The following GALNT2 variants were observed in gnomAD, a reference collection of about 807,000 sequenced individuals.
GALNT2 encodes the protein polypeptide N-acetylgalactosaminyltransferase 2.
Under a neutral mutation model 81.4 loss-of-function variants are expected in GALNT2, and 31 were observed. The ratio of observed to expected loss-of-function variants is 0.38; its 90% CI spans 0.29 to 0.51. GALNT2 has a LOEUF of 0.51. Among genes scored for constraint, GALNT2 ranks in the 20% least tolerant of loss-of-function variants. The pLI, the probability that GALNT2 is intolerant of heterozygous loss-of-function variation, is 0.87. For missense variants in GALNT2, 629 were observed against 765.7 expected (o/e 0.82, Z 2.11); for synonymous variants, 303 against 287.4 (o/e 1.05, Z -0.55).
At chr1:230,183,762 G>A (rs1663231425) in intron 2 of GALNT2, among the ~76,000 whole-genome samples, 1 of 152,176 alleles carries the variant, frequency 6.6e-6, no homozygotes, top group Non-Finnish European at 1.5e-5. Context: ...CAGATCACCT[G>A]AAGTCAGGAG....
At chr1:230,235,573 A>G (rs768497671) in intron 3 of GALNT2, among the ~76,000 whole-genome samples, 11 of 152,204 alleles carry the variant, frequency 7.2e-5, no homozygotes, top group Non-Finnish European at 1.3e-4. Flanking sequence ...CCAAGTTCCA[A>G]ATATCACCGG....
At chr1:230,246,186 C>T (rs771570824) in intron 8 of GALNT2, 36 bp downstream of exon 8, 1 of 1,429,174 alleles carries the variant, frequency 7.0e-7, no homozygotes, top group Non-Finnish European at 9.9e-7. Flanking sequence ...CCTAGCTCGT[C>T]CCGTCTACAC....
chr1:230,190,101 G>T (rs1367790643), intron 2 of GALNT2, among the ~76,000 whole-genome samples: 2 of 152,242 alleles, frequency 1.3e-5, no homozygotes, highest in Non-Finnish European at 2.9e-5. Context: ...GCACAGTGTT[G>T]TCATAAGGAA....
intron 2 of GALNT2, among the ~76,000 whole-genome samples, chr1:230,182,091 T>G (rs542387439): frequency 5.4e-4 from 83 of 152,320 alleles, no homozygotes; most frequent in African/African-American, 1.8e-3. Flanking sequence ...TATCCCCACT[T>G]TCATTTCTGA....
At chr1:230,206,132 A>G (rs1664050639) in intron 3 of GALNT2, among the ~76,000 whole-genome samples, 1 of 152,160 alleles carries the variant, frequency 6.6e-6, no homozygotes, top group South Asian at 2.1e-4. Flanking sequence ...TTTTCCCACA[A>G]GATTTTATCT....
rs1417000696 is a variant in GALNT2 at position 230,170,939 on chromosome 1, G to A, written c.127-7279G>A. ...GGATCACATTTCAACATCAGATTTGGAGGAGACAGCTATCCAGATGAAATC... is the reference window on the plus strand; with the variant it reads ...GGATCACATTTCAACATCAGATTTGAAGGAGACAGCTATCCAGATGAAATC... On this transcript the variant is annotated intron_variant, in intron 1 of 15. Transcript: ENST00000366672. Among the ~76,000 whole-genome samples the A allele has an allele frequency of 2.6e-5, 4 of 152,174 alleles. No homozygotes were observed. In the South Asian group the frequency reaches 8.3e-4, roughly 32 times the overall value.
At chr1:230,102,134 A>G (rs1660420271) in intron 1 of GALNT2, among the ~76,000 whole-genome samples, 2 of 152,206 alleles carry the variant, frequency 1.3e-5, no homozygotes, top group South Asian at 4.1e-4. Context: ...GCAAAGCTCA[A>G]AACTTTGCCT....
chr1:230,154,382 A>G (rs1285003583), intron 1 of GALNT2, among the ~76,000 whole-genome samples: 2 of 152,212 alleles, frequency 1.3e-5, no homozygotes, highest in Non-Finnish European at 2.9e-5. Context: ...TTTTTAAGAA[A>G]TAATCTTGAG....
intron 1 of GALNT2, among the ~76,000 whole-genome samples, chr1:230,164,488 G>A (rs565167861): frequency 4.6e-5 from 7 of 151,418 alleles, no homozygotes; most frequent in African/African-American, 1.7e-4. Flanking sequence ...GACTGCATCC[G>A]ATCATGTGAT....
At chr1:230,122,203 C>T (rs1157921834) in intron 1 of GALNT2, among the ~76,000 whole-genome samples, 1 of 152,146 alleles carries the variant, frequency 6.6e-6, no homozygotes, top group Non-Finnish European at 1.5e-5. Context: ...ACAGCTGGTG[C>T]TTTCCTTGGT....
intron 3 of GALNT2, among the ~76,000 whole-genome samples, chr1:230,215,218 T>C (rs77179185): frequency 0.017 from 2,550 of 152,326 alleles, 68 homozygotes; most frequent in African/African-American, 0.058. Context: ...CAGCAAGCCC[T>C]GAAGTCCATT....
At chr1:230,163,065 TCTC>T (rs1320073269) in intron 1 of GALNT2, among the ~76,000 whole-genome samples, 1 of 152,202 alleles carries the variant, frequency 6.6e-6, no homozygotes, top group African/African-American at 2.4e-5. Context: ...TGGGGAAAGT[TCTC>T]CTTGACCCCT....
At chr1:230,160,723 A>C (rs1357868761) in intron 1 of GALNT2, among the ~76,000 whole-genome samples, 4 of 150,066 alleles carry the variant, frequency 2.7e-5, no homozygotes, top group East Asian at 3.9e-4. Flanking sequence ...AAAAAAAAAA[A>C]CACGAAACTT....
chr1:230,123,545 C>T (rs1028103229), intron 1 of GALNT2, among the ~76,000 whole-genome samples: 1 of 152,036 alleles, frequency 6.6e-6, no homozygotes, highest in Non-Finnish European at 1.5e-5. Flanking sequence ...GTTTAGACAC[C>T]GAGCTTTGGA....
At chr1:230,158,099 G>C (rs971608212) in intron 1 of GALNT2, among the ~76,000 whole-genome samples, 4 of 152,230 alleles carry the variant, frequency 2.6e-5, no homozygotes, top group African/African-American at 9.6e-5. Context: ...AGGTTGAATG[G>C]GTAGGATGAA....
intron 10 of GALNT2, among the ~76,000 whole-genome samples, chr1:230,253,959 A>G (rs1427390768): frequency 2.0e-5 from 3 of 152,080 alleles, no homozygotes; most frequent in South Asian, 2.1e-4. Flanking sequence ...TCCTGGGAAT[A>G]CTATCCAGCC....
chr1:230,153,712 C>T (rs1662160750), intron 1 of GALNT2, among the ~76,000 whole-genome samples: 1 of 152,208 alleles, frequency 6.6e-6, no homozygotes, highest in South Asian at 2.1e-4. Context: ...TTTTGTCAGA[C>T]ACAGTGAGCT....
intron 1 of GALNT2, 44 bp downstream of exon 1, chr1:230,067,450 C>T: frequency 3.8e-6 from 3 of 796,778 alleles, no homozygotes; most frequent in Non-Finnish European, 5.0e-6. Context: ...GCGCCCACCC[C>T]CCACCCTGCG....
intron 3 of GALNT2, among the ~76,000 whole-genome samples, chr1:230,211,927 G>A (rs997069734): frequency 2.0e-5 from 3 of 152,126 alleles, no homozygotes; most frequent in Non-Finnish European, 4.4e-5. Flanking sequence ...AGTCAGGTTC[G>A]GCAGGATGTG....
Sources: gnomAD v4.1 joint callset for allele counts (sites outside exome capture counted in the v4.1 genomes callset) on GRCh38, gnomAD v4.1.1 for gene constraint, MANE v1.5 for transcripts, NCBI Gene and HGNC (gene_info 2026-07-23, HGNC 2026-07-21) for gene names.